Variants in SUPT3H observed in about 807,000 individuals in gnomAD.
SUPT3H encodes the protein transcription initiation protein SPT3 homolog.
In SUPT3H, 44 loss-of-function variants were observed where a neutral mutation model predicts 44.3. That is an observed-to-expected ratio of 0.99 (90% CI 0.78 to 1.28). The LOEUF (loss-of-function observed/expected upper bound fraction) is 1.28, where lower values mean the gene tolerates loss of function less well. Ranked by LOEUF, SUPT3H falls within the 50% of genes most tolerant of loss-of-function variation. SUPT3H has a pLI of 0.00. For missense variants in SUPT3H, 380 were observed against 387.1 expected (o/e 0.98, Z 0.15); for synonymous variants, 124 against 125.6 (o/e 0.99, Z 0.09).
At chr6:44,853,940 G>C (rs1444106235) in intron 10 of SUPT3H, among the ~76,000 whole-genome samples, 1 of 151,326 alleles carries the variant, frequency 6.6e-6, no homozygotes, top group African/African-American at 2.4e-5. Context: ...GAGGTAAAGA[G>C]CTTTTCCTGC....
intron 9 of SUPT3H, among the ~76,000 whole-genome samples, chr6:44,947,473 A>G (rs1773537237): frequency 6.6e-6 from 1 of 152,206 alleles, no homozygotes. Flanking sequence ...GGATTGTGAG[A>G]CTTAGTATTG....
intron 2 of SUPT3H, among the ~76,000 whole-genome samples, chr6:45,283,875 T>C (rs1206662594): frequency 1.3e-5 from 2 of 152,148 alleles, no homozygotes; most frequent in African/African-American, 2.4e-5. Context: ...ACAGAAATTA[T>C]AACAAACTGT....
intron 10 of SUPT3H, among the ~76,000 whole-genome samples, chr6:44,885,225 G>A (rs1022980186): frequency 7.2e-5 from 11 of 152,178 alleles, no homozygotes; most frequent in Non-Finnish European, 1.5e-4. Flanking sequence ...AACCTCTGCA[G>A]ACTTAAATGT....
chr6:44,980,726 C>T (rs1021132349), intron 6 of SUPT3H, among the ~76,000 whole-genome samples: 3 of 152,158 alleles, frequency 2.0e-5, no homozygotes, highest in Non-Finnish European at 4.4e-5. Context: ...TTTTAGCAGT[C>T]ATAGGAACCT....
intron 2 of SUPT3H, among the ~76,000 whole-genome samples, chr6:45,190,620 A>C (rs1814971285): frequency 6.6e-6 from 1 of 152,174 alleles, no homozygotes. Flanking sequence ...TTATAAGGGA[A>C]GATTTTAAAA....
chr6:45,213,668 A>G (rs959717810), intron 2 of SUPT3H, among the ~76,000 whole-genome samples: 13 of 152,138 alleles, frequency 8.5e-5, no homozygotes, highest in Admixed American at 8.5e-4. Flanking sequence ...ATTATATCCT[A>G]CGATAATTAA....
intron 9 of SUPT3H, among the ~76,000 whole-genome samples, chr6:44,935,034 A>G (rs1442974349): frequency 6.6e-6 from 1 of 152,214 alleles, no homozygotes; most frequent in Non-Finnish European, 1.5e-5. Flanking sequence ...CATTTTGCCA[A>G]TTTCAGGTTT....
At chr6:45,129,725 A>G (rs554113892) in intron 2 of SUPT3H, among the ~76,000 whole-genome samples, 3 of 152,186 alleles carry the variant, frequency 2.0e-5, no homozygotes, top group African/African-American at 7.2e-5. Flanking sequence ...TCAATATCGT[A>G]TGCCAGAAAG....
rs549904021 is a variant in SUPT3H, at chr6:45,086,271, G to A, written c.186+19651C>T. Among the ~76,000 whole-genome samples the A allele has an allele frequency of 1.9e-3, 283 of 151,926 alleles. 1 individual carries two copies. The highest frequency in any genetic ancestry group is 6.3e-3 in the African/African-American group (261 of 41,478). On this transcript the variant is annotated intron_variant, in intron 3 of 10. Coordinates refer to ENST00000371459, the MANE Select transcript of SUPT3H (RefSeq NM_003599.4). ...CTTACTGCACAAATAAATTTTCTCC[G>A]AATTATATATACAGTTTCACCTAGT... is the stretch of plus-strand genomic sequence containing the variant.
At chr6:45,328,711 A>T in intron 2 of SUPT3H, 1 of 1,612,066 alleles carries the variant, frequency 6.2e-7, no homozygotes, top group Non-Finnish European at 8.5e-7. Context: ...TCTATCTGAA[A>T]AAAAAAGGAG....
chr6:45,207,563 T>C (rs578246607), intron 2 of SUPT3H, among the ~76,000 whole-genome samples: 7 of 152,324 alleles, frequency 4.6e-5, no homozygotes, highest in African/African-American at 1.7e-4. Context: ...CTGTATGTCA[T>C]TTGTGGCAAG....
chr6:45,352,836 T>C (rs1265154303), intron 2 of SUPT3H, among the ~76,000 whole-genome samples: 1 of 152,120 alleles, frequency 6.6e-6, no homozygotes, highest in Non-Finnish European at 1.5e-5. Flanking sequence ...TATATAATTC[T>C]ATTAGTCAGA....
At chr6:45,103,374 A>T (rs1281181576) in intron 3 of SUPT3H, among the ~76,000 whole-genome samples, 1 of 152,218 alleles carries the variant, frequency 6.6e-6, no homozygotes, top group Non-Finnish European at 1.5e-5. Flanking sequence ...TTTCTTGTTT[A>T]TACTAGTGTA....
chr6:44,810,550 A>C (rs947232474), intron 11 of SUPT3H, among the ~76,000 whole-genome samples: 2 of 152,076 alleles, frequency 1.3e-5, no homozygotes, highest in East Asian at 1.9e-4. Context: ...AAAAGAGGAA[A>C]AAATATCACC....
intron 2 of SUPT3H, among the ~76,000 whole-genome samples, chr6:45,151,048 A>G (rs1477783869): frequency 1.3e-5 from 2 of 152,142 alleles, no homozygotes; most frequent in African/African-American, 2.4e-5. Flanking sequence ...AAAGCATTCA[A>G]TGAGAGAAAT....
intron 2 of SUPT3H, among the ~76,000 whole-genome samples, chr6:45,353,090 T>C (rs1383185174): frequency 6.6e-6 from 1 of 152,156 alleles, no homozygotes; most frequent in African/African-American, 2.4e-5. Flanking sequence ...ATTAGTCAGT[T>C]GTTTTTACTG....
intron 2 of SUPT3H, among the ~76,000 whole-genome samples, chr6:45,160,379 A>T (rs1458569271): frequency 6.6e-6 from 1 of 152,172 alleles, no homozygotes; most frequent in Admixed American, 6.6e-5. Flanking sequence ...ATGCATGACC[A>T]AATGTTTTCT....
At chr6:45,058,269 T>A (rs1162904165) in intron 3 of SUPT3H, among the ~76,000 whole-genome samples, 1 of 152,136 alleles carries the variant, frequency 6.6e-6, no homozygotes, top group Admixed American at 6.5e-5. Flanking sequence ...CTAGAAATTA[T>A]GCACATTTTT....
intron 3 of SUPT3H, among the ~76,000 whole-genome samples, chr6:45,090,924 C>T (rs1384750929): frequency 6.6e-6 from 1 of 151,794 alleles, no homozygotes; most frequent in Non-Finnish European, 1.5e-5. Context: ...AAACAGTCTA[C>T]AAAGAGAAAC....
Sources: allele counts gnomAD v4.1 joint callset (sites outside exome capture counted in the v4.1 genomes callset), GRCh38; gene constraint gnomAD v4.1.1; transcripts MANE v1.5; gene names NCBI Gene and HGNC (gene_info 2026-07-23, HGNC 2026-07-21).